The following MAGI2 variants were observed in gnomAD, a reference collection of about 807,000 sequenced individuals.
MAGI2 encodes membrane associated guanylate kinase, WW and PDZ domain containing 2, also known as membrane-associated guanylate kinase, WW and PDZ domain-containing protein 2.
In MAGI2, 35 loss-of-function variants were observed where a neutral mutation model predicts 133.3. The ratio of observed to expected loss-of-function variants is 0.26; its 90% CI spans 0.20 to 0.35. The LOEUF is 0.35. MAGI2 is among the 10% of genes least tolerant of loss of function. MAGI2 has a pLI of 1.00. For synonymous variants in MAGI2, 729 were observed against 710.6 expected (o/e 1.03, Z -0.41); for missense variants, 1,636 against 1,863.4 (o/e 0.88, Z 2.25).
intron 2 of MAGI2, among the ~76,000 whole-genome samples, chr7:78,745,879 T>C: frequency 6.6e-6 from 1 of 152,224 alleles, no homozygotes; most frequent in Admixed American, 6.5e-5. Flanking sequence ...TTGATAGTGG[T>C]ATCAGTTAAT....
intron 1 of MAGI2, among the ~76,000 whole-genome samples, chr7:79,341,308 C>A (rs940421588): frequency 2.6e-5 from 4 of 152,108 alleles, no homozygotes; most frequent in Admixed American, 2.0e-4. Flanking sequence ...TACTGGCTGG[C>A]AGCATATCTG....
At chr7:78,338,119 G>T (rs1372407608) in intron 9 of MAGI2, among the ~76,000 whole-genome samples, 3 of 152,078 alleles carry the variant, frequency 2.0e-5, no homozygotes, top group Non-Finnish European at 2.9e-5. Flanking sequence ...TTTATTTGAG[G>T]ATATATGACT....
intron 6 of MAGI2, among the ~76,000 whole-genome samples, chr7:78,401,755 A>G (rs1191813887): frequency 6.6e-6 from 1 of 152,298 alleles, no homozygotes; most frequent in African/African-American, 2.4e-5. Context: ...ATAGAATTTA[A>G]GATAAATAAG....
At chr7:79,185,132 A>C (rs886848637) in intron 1 of MAGI2, among the ~76,000 whole-genome samples, 9 of 151,844 alleles carry the variant, frequency 5.9e-5, no homozygotes, top group Admixed American at 5.9e-4. Context: ...TTTTCAGAGA[A>C]GAGAACTTTA....
chr7:78,498,605 G>A (rs1794340141), intron 5 of MAGI2, among the ~76,000 whole-genome samples: 1 of 152,158 alleles, frequency 6.6e-6, no homozygotes, highest in Non-Finnish European at 1.5e-5. Flanking sequence ...AAACTGCAAC[G>A]TTGTTGGTGG....
intron 2 of MAGI2, among the ~76,000 whole-genome samples, chr7:78,926,331 A>T (rs1254529035): frequency 6.6e-6 from 1 of 152,080 alleles, no homozygotes; most frequent in African/African-American, 2.4e-5. Context: ...GTAGCAGATA[A>T]ATACGTTCTG....
intron 2 of MAGI2, among the ~76,000 whole-genome samples, chr7:78,671,002 C>T (rs1171014328): frequency 1.3e-5 from 2 of 152,152 alleles, no homozygotes; most frequent in African/African-American, 2.4e-5. Flanking sequence ...CCAGCACTTT[C>T]TAATACAATT....
At chr7:79,337,597 GTGA>G (rs1247512921) in intron 1 of MAGI2, among the ~76,000 whole-genome samples, 2 of 152,126 alleles carry the variant, frequency 1.3e-5, no homozygotes, top group East Asian at 3.8e-4. Flanking sequence ...ACAATGAAAA[GTGA>G]TGATTTTAAT....
intron 10 of MAGI2, among the ~76,000 whole-genome samples, chr7:78,238,502 G>A (rs1034118784): frequency 2.6e-5 from 4 of 151,588 alleles, no homozygotes; most frequent in African/African-American, 9.7e-5. Context: ...GGAGTTCGAG[G>A]CTAGCCTGGG....
intron 10 of MAGI2, among the ~76,000 whole-genome samples, chr7:78,233,264 A>G (rs150083800): frequency 1.3e-5 from 2 of 152,320 alleles, no homozygotes; most frequent in East Asian, 1.9e-4. Flanking sequence ...TCAGTTTTTG[A>G]GGAGTAGACA....
chr7:78,576,062 T>C (rs1180701618), intron 3 of MAGI2, among the ~76,000 whole-genome samples: 1 of 152,008 alleles, frequency 6.6e-6, no homozygotes, highest in Non-Finnish European at 1.5e-5. Flanking sequence ...CTAAATAAAA[T>C]ATAAATCTAT....
chr7:78,655,453 C>CCAAAAAAAAAAAAAAAAAAAAAAAAAAA (rs1812090821), intron 2 of MAGI2, among the ~76,000 whole-genome samples: 1 of 48,368 alleles, frequency 2.1e-5, no homozygotes, highest in African/African-American at 7.4e-5. Context: ...AAAAAAACAA[C>CCAAAAAAAAAAAAAAAAAAAAAAAAAAA]CAAAAAAAAA....
At chr7:78,511,891 C>T (rs897050586) in intron 4 of MAGI2, among the ~76,000 whole-genome samples, 2 of 150,820 alleles carry the variant, frequency 1.3e-5, no homozygotes, top group African/African-American at 4.9e-5. Context: ...GTCAGGAGAT[C>T]GAGACCAGAC....
At chr7:78,869,032 C>T (rs1478146970) in intron 2 of MAGI2, among the ~76,000 whole-genome samples, 4 of 152,286 alleles carry the variant, frequency 2.6e-5, no homozygotes, top group African/African-American at 4.8e-5. Flanking sequence ...GGATTACAGG[C>T]GTGAGCCACC....
At chr7:78,758,176 C>A (rs1451804580) in intron 2 of MAGI2, among the ~76,000 whole-genome samples, 1 of 152,116 alleles carries the variant, frequency 6.6e-6, no homozygotes, top group South Asian at 2.1e-4. Context: ...GTAGTGATCA[C>A]CACCTAACAT....
chr7:78,534,739 A>G (rs1306715033), intron 3 of MAGI2, among the ~76,000 whole-genome samples: 9 of 152,192 alleles, frequency 5.9e-5, no homozygotes, highest in South Asian at 2.1e-4. Flanking sequence ...CTGATGACCA[A>G]TGTAGTCTGG....
chr7:78,741,338 G>C (rs1822398550), intron 2 of MAGI2, among the ~76,000 whole-genome samples: 1 of 149,188 alleles, frequency 6.7e-6, no homozygotes, highest in African/African-American at 2.5e-5. Context: ...GAACAAAACA[G>C]AGAGGCCTGT....
At chr7:78,805,798 A>C (rs1788526617) in intron 2 of MAGI2, among the ~76,000 whole-genome samples, 1 of 152,174 alleles carries the variant, frequency 6.6e-6, no homozygotes, top group Admixed American at 6.5e-5. Context: ...AATAATAGGG[A>C]ACAGCAGGGA....
chr7:78,114,001 G>C (rs775691388), intron 20 of MAGI2, among the ~76,000 whole-genome samples: 2 of 152,176 alleles, frequency 1.3e-5, no homozygotes, highest in Non-Finnish European at 2.9e-5. Context: ...AGGAGGACCT[G>C]GTATTTGATC....
Sources: allele counts gnomAD v4.1 joint callset (sites outside exome capture counted in the v4.1 genomes callset), GRCh38; gene constraint gnomAD v4.1.1; transcripts MANE v1.5; gene names NCBI Gene and HGNC (gene_info 2026-07-23, HGNC 2026-07-21).